Variants in SLC2A9 observed in about 807,000 individuals in gnomAD.
The protein encoded by SLC2A9 is solute carrier family 2 member 9.
In SLC2A9, 39 loss-of-function variants were observed where a neutral mutation model predicts 50.6. The observed-to-expected ratio is 0.77, with a 90% CI of 0.60 to 1.01. The LOEUF (loss-of-function observed/expected upper bound fraction) is 1.01, where lower values mean the gene tolerates loss of function less well. Among genes scored for constraint, SLC2A9 ranks in the 50% least tolerant of loss-of-function variants. The probability of loss-of-function intolerance (pLI) is 0.00; values close to 1 mark genes in which losing one functional copy is unlikely to be tolerated. For missense variants in SLC2A9, 686 were observed against 677.6 expected (o/e 1.01, Z -0.14); for synonymous variants, 324 against 276.9 (o/e 1.17, Z -1.69).
Position 10,010,709 on chromosome 4 carries a change from G to A in SLC2A9, c.249+8266C>T, listed in dbSNP as rs561897397. 2.0e-5 allele frequency among the ~76,000 whole-genome samples: 3 copies of A among 152,218 alleles called. No homozygotes were observed. The South Asian group carries it at 6.2e-4, about 32-fold the overall frequency. On this transcript the variant is annotated intron_variant, in intron 2 of 11. Coordinates refer to ENST00000264784, the MANE Select transcript of SLC2A9 (RefSeq NM_020041.3). ...TCCAAGCATTTCCCCCAAGCTACAG[G>A]CCAGAAACTGCACAAACAGGCACCA...
chr4:9,933,603 A>G (rs1474946623), intron 6 of SLC2A9, among the ~76,000 whole-genome samples: 1 of 152,140 alleles, frequency 6.6e-6, no homozygotes, highest in African/African-American at 2.4e-5. Flanking sequence ...AAATGTGTAG[A>G]CTTTAGGGGG....
intron 5 of SLC2A9, among the ~76,000 whole-genome samples, chr4:9,978,942 T>C (rs1277577663): frequency 6.6e-6 from 1 of 152,224 alleles, no homozygotes; most frequent in Non-Finnish European, 1.5e-5. Flanking sequence ...GCTTTAAAAA[T>C]GGAATACAGT....
intron 3 of SLC2A9, chr4:9,792,630 A>C (rs1378301348): frequency 6.6e-6 from 1 of 152,182 alleles, no homozygotes; most frequent in African/African-American, 2.4e-5. Flanking sequence ...CCAAATACAC[A>C]TCAGGTACAT....
intron 3 of SLC2A9, among the ~76,000 whole-genome samples, chr4:9,818,295 AAGG>A (rs1345394293): frequency 6.6e-6 from 1 of 152,220 alleles, no homozygotes; most frequent in African/African-American, 2.4e-5. Context: ...TCCCCCAAGC[AAGG>A]AGGACTAATC....
intron 5 of SLC2A9, among the ~76,000 whole-genome samples, chr4:9,972,066 T>G (rs1753996779): frequency 6.6e-6 from 1 of 152,246 alleles, no homozygotes; most frequent in African/African-American, 2.4e-5. Context: ...TGGTTTACTA[T>G]GGCACACCTA....
At chr4:9,771,118 G>C (rs1716764009), downstream of SLC2A9, 1 of 179,110 alleles carries the variant, frequency 5.6e-6, no homozygotes, top group Admixed American at 6.2e-5. Context: ...TGGATGGTTT[G>C]TGGATATTGC....
At chr4:9,925,929 A>G (rs13124563) in intron 6 of SLC2A9, among the ~76,000 whole-genome samples, 65,868 of 151,918 alleles carry the variant, frequency 0.43, 15,160 homozygotes, top group Non-Finnish European at 0.52. Flanking sequence ...CAGGCTCCCC[A>G]TGGTCCTCAG....
chr4:9,988,816 G>T (rs566991765), intron 3 of SLC2A9, among the ~76,000 whole-genome samples: 1 of 152,374 alleles, frequency 6.6e-6, no homozygotes, highest in African/African-American at 2.4e-5. Flanking sequence ...TGTCCCTTCA[G>T]AAGTGTCAAA....
chr4:9,845,466 G>C (rs1577497214), intron 10 of SLC2A9, among the ~76,000 whole-genome samples: 1 of 94,568 alleles, frequency 1.1e-5, no homozygotes, highest in Non-Finnish European at 1.9e-5. Context: ...GTCTCGCTCT[G>C]TCGCCCAGGC....
intron 10 of SLC2A9, among the ~76,000 whole-genome samples, chr4:9,861,703 GTGAATGAATGAA>G (rs56975965): frequency 2.5e-4 from 38 of 150,872 alleles, no homozygotes; most frequent in African/African-American, 9.0e-4. Context: ...ATATGGATAA[GTGAATGAATGAA>G]TGAATGAATG....
At chr4:9,884,778 A>T (rs1735871602) in intron 10 of SLC2A9, among the ~76,000 whole-genome samples, 1 of 152,190 alleles carries the variant, frequency 6.6e-6, no homozygotes, top group South Asian at 2.1e-4. Flanking sequence ...CCAAATGCTC[A>T]TCAATGATAG....
intron 6 of SLC2A9, among the ~76,000 whole-genome samples, chr4:9,926,868 G>T (rs1744993380): frequency 6.6e-6 from 1 of 152,120 alleles, no homozygotes; most frequent in Non-Finnish European, 1.5e-5. Flanking sequence ...AGGCAAGCTT[G>T]TGTTCACGGA....
At chr4:9,981,534 G>A (rs1056256013) in intron 4 of SLC2A9, among the ~76,000 whole-genome samples, 12 of 152,178 alleles carry the variant, frequency 7.9e-5, no homozygotes, top group African/African-American at 2.2e-4. Context: ...CAGAAAAGTT[G>A]AGTAACTTGC....
chr4:9,906,640 T>C (rs1040094172), intron 8 of SLC2A9, among the ~76,000 whole-genome samples: 3 of 152,226 alleles, frequency 2.0e-5, no homozygotes, highest in Non-Finnish European at 4.4e-5. Context: ...TCTTTGTTCC[T>C]CTCTATTTTT....
intron 3 of SLC2A9, among the ~76,000 whole-genome samples, chr4:9,988,382 A>C (rs1757108604): frequency 2.0e-5 from 3 of 152,240 alleles, no homozygotes; most frequent in African/African-American, 7.2e-5. Flanking sequence ...GTTTGTGAGA[A>C]TGTTAAAATT....
intron 5 of SLC2A9, among the ~76,000 whole-genome samples, chr4:9,951,886 G>A (rs1230212300): frequency 6.6e-6 from 1 of 152,258 alleles, no homozygotes. Context: ...TGGATGAATG[G>A]TTGCAGAATT....
chr4:9,967,860 G>GA, intron 5 of SLC2A9, among the ~76,000 whole-genome samples: 1 of 152,044 alleles, frequency 6.6e-6, no homozygotes, highest in Middle Eastern at 3.4e-3. Context: ...TGAAAGTTAC[G>GA]AAAGTCTGTG....
intron 8 of SLC2A9, among the ~76,000 whole-genome samples, chr4:9,897,069 C>A (rs900947181): frequency 7.2e-5 from 11 of 152,266 alleles, no homozygotes; most frequent in Admixed American, 5.2e-4. Context: ...ATATCCAGAA[C>A]TTGAGGCTCA....
At chr4:9,906,727 A>G (rs927577965) in intron 8 of SLC2A9, among the ~76,000 whole-genome samples, 12 of 152,226 alleles carry the variant, frequency 7.9e-5, no homozygotes, top group Admixed American at 6.5e-4. Flanking sequence ...ACAAAAAACA[A>G]AAAACATCTC....
Sources: gnomAD v4.1 joint callset for allele counts (sites outside exome capture counted in the v4.1 genomes callset) on GRCh38, gnomAD v4.1.1 for gene constraint, MANE v1.5 for transcripts, NCBI Gene and HGNC (gene_info 2026-07-23, HGNC 2026-07-21) for gene names.